The following JADE3 variants were observed in gnomAD, a reference collection of about 807,000 sequenced individuals.
JADE3 encodes protein Jade-3.
JADE3 carries 2 observed loss-of-function variants against 50.1 expected under a neutral mutation model. The ratio of observed to expected loss-of-function variants is 0.04; its 90% CI spans 0.02 to 0.13. The LOEUF (loss-of-function observed/expected upper bound fraction) is 0.13, where lower values mean the gene tolerates loss of function less well. Among genes scored for constraint, JADE3 ranks in the 10% least tolerant of loss-of-function variants. The probability of loss-of-function intolerance (pLI) is 1.00; values close to 1 mark genes in which losing one functional copy is unlikely to be tolerated. For synonymous variants in JADE3, 218 were observed against 232.9 expected, an observed-to-expected ratio of 0.94 and a Z score of 0.58; for missense variants, 475 against 634.4, an observed-to-expected ratio of 0.75 and a Z score of 2.70.
chrX:46,972,415 C>T (rs1320856439), intron 1 of JADE3, among the ~76,000 whole-genome samples: 2 of 111,342 alleles, frequency 1.8e-5, no homozygotes, highest in Admixed American at 9.6e-5. Flanking sequence ...AGGCTGATCT[C>T]GAACTCCTGA....
chrX:46,978,462 G>A (rs917751176), intron 1 of JADE3, among the ~76,000 whole-genome samples: 5 of 111,667 alleles, frequency 4.5e-5, no homozygotes, highest in Non-Finnish European at 9.4e-5. Flanking sequence ...ACCAGGGTTG[G>A]GGAAAATGGG....
intron 1 of JADE3, among the ~76,000 whole-genome samples, chrX:46,951,814 G>C (rs1050718417): frequency 3.6e-5 from 4 of 110,282 alleles, no homozygotes; most frequent in Non-Finnish European, 5.7e-5. Flanking sequence ...TATTTCGGTT[G>C]TTTTTTCAGT....
At chrX:47,031,598 G>A (rs782774058) in intron 6 of JADE3, among the ~76,000 whole-genome samples, 1 of 111,688 alleles carries the variant, frequency 9.0e-6, no homozygotes, top group East Asian at 2.8e-4. Context: ...GATGCTGGCC[G>A]GGTGCTGTGA....
intron 1 of JADE3, among the ~76,000 whole-genome samples, chrX:46,924,295 C>A (rs1926307773): frequency 8.9e-6 from 1 of 111,878 alleles, no homozygotes; most frequent in Non-Finnish European, 1.9e-5. Flanking sequence ...CTCATGCCAG[C>A]TCATACTCTG....
At chrX:46,999,800 T>C (rs977126717) in intron 4 of JADE3, among the ~76,000 whole-genome samples, 9 of 110,825 alleles carry the variant, frequency 8.1e-5, no homozygotes, top group Non-Finnish European at 1.7e-4. Context: ...TTTCTGGTCT[T>C]TGTGTTTCCA....
At chrX:46,912,306 A>G (rs1262381762), upstream of JADE3, 2 of 111,790 alleles carry the variant, frequency 1.8e-5, no homozygotes, top group Non-Finnish European at 1.9e-5. Flanking sequence ...CCGCCAGAAG[A>G]ACGCGCGGCG....
chrX:47,058,096 T>A lies in JADE3; in HGVS notation c.1562-71T>A, dbSNP rs1556373721. On this transcript the variant is annotated intron_variant, in intron 10 of 10. Transcript: ENST00000614628. ...CATTTGGAAGAGTAGGTATGTGAACTCACTCTGCCATAAGCACAAAAGCCA... is the reference window on the plus strand; with the variant it reads ...CATTTGGAAGAGTAGGTATGTGAACACACTCTGCCATAAGCACAAAAGCCA... 42 of 892,318 alleles carry A rather than the reference T, an allele frequency of 4.7e-5. No homozygotes were observed. The East Asian group carries it at 1.3e-3, about 27-fold the overall frequency. The allele number at this position is 892,318 out of a possible 1,213,427, so 73.5% of individuals were successfully genotyped here.
At chrX:47,028,196 A>G (rs1928944597) in intron 6 of JADE3, 93 bp downstream of exon 6, 1 of 578,273 alleles carries the variant, frequency 1.7e-6, no homozygotes, top group Non-Finnish European at 2.8e-6. Flanking sequence ...AGCAGCTTGC[A>G]TTTAAGGGTG....
chrX:47,009,086 G>A (rs1405391882), intron 4 of JADE3, among the ~76,000 whole-genome samples: 1 of 110,815 alleles, frequency 9.0e-6, no homozygotes, highest in East Asian at 2.8e-4. Flanking sequence ...ACTTTGGGAA[G>A]CCAAGGCGGG....
chrX:47,039,431 G>T (rs1556369125), intron 8 of JADE3, among the ~76,000 whole-genome samples: 1 of 108,481 alleles, frequency 9.2e-6, no homozygotes. Context: ...TTCAATTTTG[G>T]GGTTACATGT....
chrX:46,960,737 TCTTC>T (rs1417355489), intron 1 of JADE3, among the ~76,000 whole-genome samples: 1 of 111,781 alleles, frequency 8.9e-6, no homozygotes, highest in African/African-American at 3.3e-5. Flanking sequence ...ATCCTGTGAG[TCTTC>T]CTTGTGAATC....
At chrX:47,038,326 T>G (rs782662681) in intron 7 of JADE3, among the ~76,000 whole-genome samples, 2 of 111,328 alleles carry the variant, frequency 1.8e-5, no homozygotes, top group Non-Finnish European at 3.8e-5. Flanking sequence ...GTGGGATTGC[T>G]GGATAATATG....
intron 1 of JADE3, among the ~76,000 whole-genome samples, chrX:46,920,584 T>C (rs1162479183): frequency 8.9e-6 from 1 of 112,708 alleles, no homozygotes; most frequent in Non-Finnish European, 1.9e-5. Context: ...TACGTAGGAA[T>C]GGGATTAGTG....
intron 1 of JADE3, among the ~76,000 whole-genome samples, chrX:46,961,187 T>C (rs782448824): frequency 8.9e-6 from 1 of 112,297 alleles, no homozygotes; most frequent in South Asian, 3.7e-4. Flanking sequence ...AATTCCAGCC[T>C]AAGTTCCTTC....
At chrX:46,938,795 C>T (rs2147110934) in intron 1 of JADE3, among the ~76,000 whole-genome samples, 1 of 112,032 alleles carries the variant, frequency 8.9e-6, no homozygotes, top group African/African-American at 3.2e-5. Flanking sequence ...TTACCCCCAG[C>T]ACTTCAAACG....
chrX:46,932,599 A>G (rs1371081147), intron 1 of JADE3, among the ~76,000 whole-genome samples: 8 of 111,856 alleles, frequency 7.2e-5, no homozygotes, highest in Non-Finnish European at 1.3e-4. Flanking sequence ...TCGATACCCA[A>G]ACATTCTACA....
intron 1 of JADE3, among the ~76,000 whole-genome samples, chrX:46,962,359 C>CT (rs1439908035): frequency 8.9e-6 from 1 of 112,010 alleles, no homozygotes; most frequent in Non-Finnish European, 1.9e-5. Flanking sequence ...AATCAGAATA[C>CT]TTTTTTGTCA....
At chrX:46,933,202 C>A (rs1167218641) in intron 1 of JADE3, among the ~76,000 whole-genome samples, 1 of 111,707 alleles carries the variant, frequency 9.0e-6, no homozygotes, top group Non-Finnish European at 1.9e-5. Context: ...TGTTCCCTCT[C>A]CCCTTTGTCA....
chrX:47,051,437 G>T (rs1194847721), intron 8 of JADE3, among the ~76,000 whole-genome samples: 2 of 111,725 alleles, frequency 1.8e-5, no homozygotes, highest in Non-Finnish European at 3.8e-5. Flanking sequence ...CCTTAGAAAC[G>T]AATCTTCCCT....
Sources: gnomAD v4.1 joint callset for allele counts (sites outside exome capture counted in the v4.1 genomes callset) on GRCh38, gnomAD v4.1.1 for gene constraint, MANE v1.5 for transcripts, NCBI Gene and HGNC (gene_info 2026-07-23, HGNC 2026-07-21) for gene names.